SLC41A2: variants seen among roughly 807,000 people sequenced by gnomAD.
SLC41A2 encodes the protein SLC41A1-like 1.
A neutral mutation model predicts 58.3 loss-of-function variants in SLC41A2; 32 were observed. The observed-to-expected ratio is 0.55, with a 90% CI of 0.41 to 0.74. SLC41A2 has a LOEUF of 0.74. SLC41A2 is among the 30% of genes least tolerant of loss of function. The pLI is 0.00. For synonymous variants in SLC41A2, 190 were observed against 235.0 expected, an observed-to-expected ratio of 0.81 and a Z score of 1.75; for missense variants, 514 against 680.6, an observed-to-expected ratio of 0.76 and a Z score of 2.72.
At position 104,803,976 on chromosome 12, in the gene SLC41A2, T is replaced by C. The variant is rs907829457; in HGVS notation, c.*1176A>G. ...AAATAAGAAATTATTAATTATTAAT[T>C]AGAGTGTAGGTAACAAATTAGCTGG... is the stretch of plus-strand genomic sequence containing the variant. On this transcript the variant is annotated 3_prime_UTR_variant, in exon 11 of 11. Coordinates refer to ENST00000258538, the MANE Select transcript of SLC41A2 (RefSeq NM_001352171.3). The C allele has an allele frequency of 6.6e-6, 1 of 151,424 alleles. No individual in the cohort carries two copies. Among genetic ancestry groups the C allele is most frequent in the Non-Finnish European group, 1.5e-5 (1 of 67,854 alleles). The allele number at this position is 151,424 out of a possible 1,614,324, so 9.4% of individuals were successfully genotyped here.
At chr12:104,931,775 C>G (rs962124768) in intron 1 of SLC41A2, 1 of 152,260 alleles carries the variant, frequency 6.6e-6, no homozygotes, top group African/African-American at 2.4e-5. Context: ...AGAAAGCCGT[C>G]TACATGAGAA....
Position 104,928,088 on chromosome 12 carries a change from A to G in SLC41A2, c.440T>C (p.Val147Ala), listed in dbSNP as rs1466276184. The change falls in exon 2 of 11, where the codon GTG becomes GCG. Residue 147 changes from valine to alanine, a missense_variant. Val to Ala is a moderately conservative substitution (Grantham distance 64). Around this residue, in one of 3 missense-constraint regions of SLC41A2, gnomAD observed 336 missense variants for 430.0 expected, o/e 0.78. Coordinates refer to ENST00000258538, the MANE Select transcript of SLC41A2 (RefSeq NM_001352171.3). ...GGATTCCTTTGGTAATTTTGGGGTC[A>G]CTTCTACAATAGCATCTTCATCACC... ...SDGDEDAIVE[V>A]TPKLPKESSG... 1 of 1,614,084 alleles carries G rather than the reference A, an allele frequency of 6.2e-7. No homozygotes were observed. The highest frequency in any genetic ancestry group is 1.3e-5 in the African/African-American group (1 of 74,936).
chr12:104,821,838 C>A (rs1007569470), intron 10 of SLC41A2, among the ~76,000 whole-genome samples: 1 of 152,200 alleles, frequency 6.6e-6, no homozygotes, highest in Admixed American at 6.5e-5. Flanking sequence ...AGGTTAAGTG[C>A]ACTAGCATTC....
intron 8 of SLC41A2, among the ~76,000 whole-genome samples, chr12:104,854,460 G>T (rs1450556014): frequency 6.6e-6 from 1 of 152,068 alleles, no homozygotes; most frequent in Admixed American, 6.5e-5. Context: ...CTACTCGGGA[G>T]GCTGAGGCAG....
At chr12:104,811,273 T>C (rs930556530) in intron 10 of SLC41A2, among the ~76,000 whole-genome samples, 7 of 152,164 alleles carry the variant, frequency 4.6e-5, no homozygotes, top group African/African-American at 1.4e-4. Flanking sequence ...AAAAATTGTA[T>C]CTATTGACAC....
intron 8 of SLC41A2, among the ~76,000 whole-genome samples, chr12:104,847,538 G>T (rs2042645757): frequency 6.7e-6 from 1 of 148,836 alleles, no homozygotes; most frequent in Non-Finnish European, 1.5e-5. Context: ...CCTGGAGTTG[G>T]AGGTTGCAGT....
At chr12:104,902,578 G>A (rs2045615235) in intron 3 of SLC41A2, among the ~76,000 whole-genome samples, 2 of 152,118 alleles carry the variant, frequency 1.3e-5, no homozygotes, top group Admixed American at 1.3e-4. Context: ...TGGACTACAC[G>A]AAATTACTGA....
At chr12:104,878,758 C>T (rs565914505) in intron 6 of SLC41A2, among the ~76,000 whole-genome samples, 9 of 152,174 alleles carry the variant, frequency 5.9e-5, no homozygotes, top group East Asian at 3.9e-4. Flanking sequence ...TTGTGAAAAG[C>T]GCTGCAATAA....
At chr12:104,806,475 T>G (rs1006775821) in intron 10 of SLC41A2, among the ~76,000 whole-genome samples, 10 of 152,230 alleles carry the variant, frequency 6.6e-5, no homozygotes, top group African/African-American at 2.2e-4. Flanking sequence ...TGTTGGACAT[T>G]TGGGTTGGTT....
intron 10 of SLC41A2, among the ~76,000 whole-genome samples, chr12:104,821,435 C>A (rs2041634367): frequency 6.6e-6 from 1 of 151,988 alleles, no homozygotes; most frequent in Non-Finnish European, 1.5e-5. Context: ...TAAAAACAAT[C>A]TAAAAAGTCC....
intron 10 of SLC41A2, among the ~76,000 whole-genome samples, chr12:104,807,227 C>T (rs1409914564): frequency 4.0e-4 from 61 of 151,920 alleles, no homozygotes; most frequent in Admixed American, 7.2e-4. Flanking sequence ...TAATCCATCT[C>T]GAATTAATTT....
At chr12:104,956,536 G>A (rs776036434) in intron 1 of SLC41A2, among the ~76,000 whole-genome samples, 39 of 152,146 alleles carry the variant, frequency 2.6e-4, no homozygotes, top group Middle Eastern at 3.4e-3. Context: ...AAAATTAGCC[G>A]GGCATAGTGG....
chr12:104,935,968 AG>A (rs2047250041), intron 1 of SLC41A2, among the ~76,000 whole-genome samples: 1 of 152,002 alleles, frequency 6.6e-6, no homozygotes, highest in African/African-American at 2.4e-5. Context: ...GGTTGAACCC[AG>A]GAGGCAGAGG....
chr12:104,820,954 GA>G (rs1222062364), intron 10 of SLC41A2, among the ~76,000 whole-genome samples: 1 of 152,126 alleles, frequency 6.6e-6, no homozygotes, highest in African/African-American at 2.4e-5. Flanking sequence ...CTAATGCAGG[GA>G]ATTTCTATAT....
At chr12:104,949,678 G>A (rs895551141) in intron 1 of SLC41A2, among the ~76,000 whole-genome samples, 22 of 152,174 alleles carry the variant, frequency 1.4e-4, no homozygotes, top group Non-Finnish European at 3.1e-4. Flanking sequence ...CTGCCTCCTG[G>A]GTTCAAGCAA....
intron 6 of SLC41A2, among the ~76,000 whole-genome samples, chr12:104,879,275 T>C (rs952572412): frequency 3.3e-5 from 5 of 152,240 alleles, no homozygotes; most frequent in African/African-American, 1.2e-4. Flanking sequence ...ATCACTCTGA[T>C]GGTAGTTTCT....
chr12:104,919,841 A>T (rs1280962017), intron 2 of SLC41A2, among the ~76,000 whole-genome samples: 1 of 151,924 alleles, frequency 6.6e-6, no homozygotes, highest in African/African-American at 2.4e-5. Flanking sequence ...CAATTTATTA[A>T]TTTTTCTTTT....
At chr12:104,903,997 C>A (rs1225756284) in intron 3 of SLC41A2, among the ~76,000 whole-genome samples, 4 of 152,020 alleles carry the variant, frequency 2.6e-5, no homozygotes, top group Admixed American at 1.3e-4. Context: ...AACAAATTAA[C>A]GAAGGTTAAA....
At chr12:104,827,655 C>G (rs1195309487) in intron 10 of SLC41A2, among the ~76,000 whole-genome samples, 2 of 152,002 alleles carry the variant, frequency 1.3e-5, no homozygotes, top group African/African-American at 2.4e-5. Context: ...TTTTTTCTCT[C>G]ATGCCTAGAA....
Sources: gnomAD v4.1 joint callset for allele counts (sites outside exome capture counted in the v4.1 genomes callset) on GRCh38, gnomAD v4.1.1 for gene constraint, gnomAD v4.1.1 regional missense constraint, MANE v1.5 for transcripts, NCBI Gene and HGNC (gene_info 2026-07-23, HGNC 2026-07-21) for gene names.